CRLF2: variants seen among roughly 807,000 people sequenced by gnomAD.
CRLF2 encodes the protein cytokine receptor like factor 2.
Under a neutral mutation model 38.7 loss-of-function variants are expected in CRLF2, and 41 were observed. The observed-to-expected ratio is 1.06, with a 90% confidence interval of 0.83 to 1.37. The LOEUF (loss-of-function observed/expected upper bound fraction) is 1.37. Among genes scored for constraint, CRLF2 ranks in the 40% most tolerant of loss-of-function variants. The probability of loss-of-function intolerance (pLI) is 0.00; values close to 1 mark genes in which losing one functional copy is unlikely to be tolerated. For missense variants in CRLF2, 377 were observed against 322.2 expected (o/e 1.17, Z -1.30); for synonymous variants, 140 against 128.8 (o/e 1.09, Z -0.59).
intron 2 of CRLF2, among the ~76,000 whole-genome samples, chrX:1,207,512 C>T (rs1417944794): frequency 1.2e-4 from 10 of 84,292 alleles, no homozygotes; most frequent in Admixed American, 1.1e-3. Context: ...CCCCCCCCCC[C>T]CTCAGCCTCC....
In CRLF2 at chrX:1,206,458, GGTGA is replaced by G. The variant is rs761451212; in HGVS notation, c.320_323del (p.Phe107SerfsTer10). 3.0e-5 allele frequency: 49 copies of G among 1,613,434 alleles called. No homozygotes were observed. The highest frequency in any genetic ancestry group is 3.4e-6 in the Non-Finnish European group (4 of 1,179,604). On this transcript the variant is annotated frameshift_variant, in exon 3 of 8. Transcript: ENST00000400841. LOFTEE classifies it high-confidence loss of function. ...GGTAATAAACCATCCAGCGACTTGCGGTGAAAACGGGGTGCGTCCCATTCCTGAT... is the reference window on the plus strand; with the variant it reads ...GGTAATAAACCATCCAGCGACTTGCGAAACGGGGTGCGTCCCATTCCTGAT...
intron 1 of CRLF2, among the ~76,000 whole-genome samples, chrX:1,210,514 G>C (rs2086778715): frequency 6.6e-6 from 1 of 152,006 alleles, no homozygotes; most frequent in African/African-American, 2.4e-5. Flanking sequence ...GTTTCACCGT[G>C]TTAGCCAGGA....
intron 6 of CRLF2, 27 bp downstream of exon 6, chrX:1,196,753 C>T: frequency 1.2e-6 from 2 of 1,610,990 alleles, no homozygotes; most frequent in Middle Eastern, 1.7e-4. Context: ...GGTCCCTCCA[C>T]CCACGGGCGG....
intron 3 of CRLF2, 27 bp downstream of exon 3, chrX:1,206,406 A>ATGG: frequency 1.2e-6 from 2 of 1,605,516 alleles, no homozygotes; most frequent in Non-Finnish European, 1.7e-6. Context: ...ACTGAAAAGC[A>ATGG]TGGTGAGCTG....
chrX:1,209,358 C>G (rs1408559655), intron 1 of CRLF2, among the ~76,000 whole-genome samples: 201 of 137,336 alleles, frequency 1.5e-3, no homozygotes, highest in Middle Eastern at 8.5e-3. Flanking sequence ...GTGAGACAGA[C>G]TCTCACTCTG....
intron 6 of CRLF2, among the ~76,000 whole-genome samples, chrX:1,193,748 C>T (rs1186846526): frequency 5.0e-4 from 73 of 146,198 alleles, no homozygotes; most frequent in Middle Eastern, 3.5e-3. Flanking sequence ...CGCCACTGCA[C>T]TCCAGCCTGG....
intron 4 of CRLF2, among the ~76,000 whole-genome samples, chrX:1,200,126 T>TATATA (rs2086575533): frequency 1.1e-4 from 16 of 151,650 alleles, no homozygotes; most frequent in Non-Finnish European, 1.5e-4. Flanking sequence ...AGTTTGTGTA[T>TATATA]CTATACATGT....
chrX:1,205,094 T>A (rs760123807), intron 3 of CRLF2, among the ~76,000 whole-genome samples: 1 of 152,380 alleles, frequency 6.6e-6, no homozygotes, highest in Admixed American at 6.5e-5. Flanking sequence ...CCCATAGTGC[T>A]GGGATTACAG....
intron 7 of CRLF2, among the ~76,000 whole-genome samples, chrX:1,192,261 T>G (rs2086398295): frequency 6.6e-6 from 1 of 151,040 alleles, no homozygotes; most frequent in Non-Finnish European, 1.5e-5. Flanking sequence ...AAGTCAGAGT[T>G]GGACATGCTT....
At chrX:1,192,715 TC>T (rs2086410490) in intron 7 of CRLF2, among the ~76,000 whole-genome samples, 1 of 40,630 alleles carries the variant, frequency 2.5e-5, no homozygotes. Flanking sequence ...TTCTTTTCTT[TC>T]TTTCTTTCTT....
intron 2 of CRLF2, among the ~76,000 whole-genome samples, chrX:1,207,375 C>G (rs1321540185): frequency 2.0e-5 from 3 of 152,046 alleles, no homozygotes; most frequent in Admixed American, 6.6e-5. Context: ...CCTGCCTCAG[C>G]CTCCCAAGTT....
intron 6 of CRLF2, among the ~76,000 whole-genome samples, chrX:1,195,380 C>G (rs1463903652): frequency 2.0e-5 from 3 of 151,990 alleles, no homozygotes; most frequent in African/African-American, 7.2e-5. Context: ...TTGCTGCCCT[C>G]ACCAAGTTGC....
intron 6 of CRLF2, among the ~76,000 whole-genome samples, chrX:1,195,817 A>ATATATATAT (rs1556417578): frequency 8.2e-5 from 11 of 134,762 alleles, no homozygotes; most frequent in Admixed American, 1.7e-4. Context: ...ATATTAAATT[A>ATATATATAT]TATATATTAT....
chrX:1,200,447 A>C (rs2086583005), intron 4 of CRLF2, among the ~76,000 whole-genome samples: 2 of 149,710 alleles, frequency 1.3e-5, no homozygotes, highest in South Asian at 2.1e-4. Flanking sequence ...TGTTTATATA[A>C]GGTGTGTGTA....
chrX:1,197,797 G>C (rs1323112376), intron 5 of CRLF2, among the ~76,000 whole-genome samples: 1 of 150,736 alleles, frequency 6.6e-6, no homozygotes, highest in South Asian at 2.1e-4. Context: ...CTGGACCACA[G>C]ACTGAGACTC....
intron 7 of CRLF2, among the ~76,000 whole-genome samples, chrX:1,192,740 CTTT>C (rs2086413225): frequency 4.5e-4 from 51 of 113,098 alleles, no homozygotes; most frequent in South Asian, 1.7e-3. Context: ...TTCTTTCTTT[CTTT>C]CTTTCTTTCT....
At chrX:1,210,103 CA>C (rs1290430150) in intron 1 of CRLF2, among the ~76,000 whole-genome samples, 17 of 37,182 alleles carry the variant, frequency 4.6e-4, no homozygotes, top group East Asian at 7.6e-4. Flanking sequence ...GACTCCCTAT[CA>C]AAAAAAAAAA....
intron 7 of CRLF2, among the ~76,000 whole-genome samples, chrX:1,192,612 T>A (rs1374429384): frequency 6.6e-6 from 1 of 150,966 alleles, no homozygotes; most frequent in Non-Finnish European, 1.5e-5. Context: ...CTTTCTTTCT[T>A]TCCTTCTTTC....
Position 1,206,603 on chromosome X carries a change from T to C in CRLF2, c.183-4A>G. The C allele has an allele frequency of 6.2e-7, 1 of 1,612,880 alleles. No individual in the cohort carries two copies. The highest frequency in any genetic ancestry group is 8.5e-7 in the Non-Finnish European group (1 of 1,179,134). On this transcript the variant is annotated splice_polypyrimidine_tract_variant and splice_region_variant and intron_variant, in intron 2 of 7. Coordinates refer to ENST00000400841, the MANE Select transcript of CRLF2 (RefSeq NM_022148.4). ...ATAGGCCTCATCACCGTTGAATCTG[T>C]GGTTTAAAACGATGACCATTCAGCA...
Sources: allele counts gnomAD v4.1 joint callset (sites outside exome capture counted in the v4.1 genomes callset), GRCh38; gene constraint gnomAD v4.1.1; transcripts MANE v1.5; gene names NCBI Gene and HGNC (gene_info 2026-07-23, HGNC 2026-07-21).